PCNX2: variants seen among roughly 807,000 people sequenced by gnomAD.
The protein encoded by PCNX2 is pecanex-like protein 2.
Under a neutral mutation model 223.8 loss-of-function variants are expected in PCNX2, and 168 were observed. The ratio of observed to expected loss-of-function variants is 0.75; its 90% CI spans 0.66 to 0.85. The LOEUF (loss-of-function observed/expected upper bound fraction) is 0.85, where lower values mean the gene tolerates loss of function less well. Among genes scored for constraint, PCNX2 ranks in the 40% least tolerant of loss-of-function variants. PCNX2 has a pLI of 0.00. For synonymous variants in PCNX2, 1,006 were observed against 1,052.6 expected, an observed-to-expected ratio of 0.96 and a Z score of 0.86; for missense variants, 2,507 against 2,675.5, an observed-to-expected ratio of 0.94 and a Z score of 1.39.
intron 1 of PCNX2, chr1:233,284,949 C>A: frequency 1.0e-6 from 1 of 985,054 alleles, no homozygotes; most frequent in Non-Finnish European, 1.2e-6. Flanking sequence ...TCCCAGTCAA[C>A]CCAAAATGAA....
intron 8 of PCNX2, among the ~76,000 whole-genome samples, chr1:233,244,122 C>T (rs904688550): frequency 2.6e-5 from 4 of 152,224 alleles, no homozygotes; most frequent in African/African-American, 9.7e-5. Flanking sequence ...AGCCACCACA[C>T]CAGGCCCACA....
At chr1:233,180,609 G>C (rs1679734631) in intron 15 of PCNX2, 2 of 152,132 alleles carry the variant, frequency 1.3e-5, no homozygotes, top group Non-Finnish European at 2.9e-5. Flanking sequence ...CACTGTAACT[G>C]CTAAAATAGT....
chr1:233,150,845 C>G (rs72765726), intron 19 of PCNX2, among the ~76,000 whole-genome samples: 3,937 of 152,146 alleles, frequency 0.026, 74 homozygotes, highest in Non-Finnish European at 0.045. Flanking sequence ...AATGTGCCTT[C>G]TCTTCTTGAC....
intron 26 of PCNX2, among the ~76,000 whole-genome samples, chr1:233,017,525 C>T (rs1295272721): frequency 6.6e-6 from 1 of 151,992 alleles, no homozygotes; most frequent in Non-Finnish European, 1.5e-5. Context: ...ACCATGTTAG[C>T]CAGGATGGTC....
intron 21 of PCNX2, among the ~76,000 whole-genome samples, chr1:233,109,130 T>C (rs10797601): frequency 0.17 from 25,198 of 152,076 alleles, 2,197 homozygotes; most frequent in African/African-American, 0.21. Context: ...AGCTCAACAG[T>C]GTCCCACTCG....
the PCNX2 span, among the ~76,000 whole-genome samples, chr1:233,310,924 G>A: frequency 6.6e-6 from 1 of 152,114 alleles, no homozygotes; most frequent in African/African-American, 2.4e-5. Flanking sequence ...ACCACAAGGA[G>A]TGTACCAGGC....
At position 233,259,032 on chromosome 1, in the gene PCNX2, C is replaced by G. The variant is rs375747180; in HGVS notation, c.830G>C (p.Gly277Ala). The G allele has an allele frequency of 2.7e-5, 43 of 1,613,856 alleles. No homozygotes were observed. Among genetic ancestry groups the G allele is most frequent in the Middle Eastern group, 3.3e-4 (2 of 6,084 alleles). ...TGGAATCAGGACTGAATTCTCACTC[C>G]CCCACGGCTGGAAAGAAACGTCTGT... ...LETDVSFQPWGSENSVLIPEP... is the reference protein window; with the variant it reads ...LETDVSFQPWASENSVLIPEP... The change falls in exon 5 of 34, where the codon GGG becomes GCG. Residue 277 changes from glycine (G) to alanine (A), a missense_variant. By Grantham distance (60) the Gly-to-Ala change is moderately conservative (BLOSUM62 0). Coordinates refer to ENST00000258229, the MANE Select transcript of PCNX2 (RefSeq NM_014801.4).
upstream of PCNX2, among the ~76,000 whole-genome samples, chr1:233,297,685 A>T (rs1305934607): frequency 6.6e-6 from 1 of 152,204 alleles, no homozygotes; most frequent in Non-Finnish European, 1.5e-5. Context: ...GGAGAAACGG[A>T]ACAGTAGGAA....
At chr1:233,229,180 T>C (rs1222283888) in intron 9 of PCNX2, among the ~76,000 whole-genome samples, 1 of 152,186 alleles carries the variant, frequency 6.6e-6, no homozygotes, top group Admixed American at 6.5e-5. Context: ...AATTTTACCA[T>C]CTCTCCATTT....
At chr1:232,984,673 G>T in intron 33 of PCNX2, 196 bp from the exon 34 acceptor site, 1 of 556,634 alleles carries the variant, frequency 1.8e-6, no homozygotes, top group Non-Finnish European at 3.1e-6. Flanking sequence ...AACTGAAGCA[G>T]CATCTGAGAC....
intron 9 of PCNX2, among the ~76,000 whole-genome samples, chr1:233,232,130 T>C (rs910759912): frequency 6.6e-6 from 1 of 152,210 alleles, no homozygotes; most frequent in Non-Finnish European, 1.5e-5. Context: ...ATTATAACAG[T>C]GGCTATGTTT....
At chr1:233,301,215 T>C in the PCNX2 span, among the ~76,000 whole-genome samples, 1 of 152,024 alleles carries the variant, frequency 6.6e-6, no homozygotes, top group Non-Finnish European at 1.5e-5. Context: ...CCCACTAAAA[T>C]AGAAAACATA....
chr1:233,075,558 T>C (rs1313127262), intron 23 of PCNX2, among the ~76,000 whole-genome samples: 1 of 152,142 alleles, frequency 6.6e-6, no homozygotes, highest in South Asian at 2.1e-4. Context: ...AAATCTTCTG[T>C]ATCTTGAATG....
At chr1:233,124,240 C>A (rs554491629) in intron 21 of PCNX2, among the ~76,000 whole-genome samples, 1 of 152,132 alleles carries the variant, frequency 6.6e-6, no homozygotes, top group Non-Finnish European at 1.5e-5. Context: ...TACTTTCTTA[C>A]GGATGGGATG....
intron 25 of PCNX2, among the ~76,000 whole-genome samples, chr1:233,039,190 T>C (rs552918609): frequency 4.3e-4 from 65 of 152,342 alleles, no homozygotes; most frequent in Non-Finnish European, 8.5e-4. Flanking sequence ...CCAAAAATAC[T>C]TTCTGAAAAT....
At chr1:233,249,002 G>A (rs929182682) in intron 8 of PCNX2, among the ~76,000 whole-genome samples, 1 of 149,636 alleles carries the variant, frequency 6.7e-6, no homozygotes, top group African/African-American at 2.6e-5. Context: ...GAAAGCAGAA[G>A]CTGGAGGAAG....
chr1:233,021,327 G>A (rs1159321528), intron 26 of PCNX2, among the ~76,000 whole-genome samples: 1 of 152,194 alleles, frequency 6.6e-6, no homozygotes, highest in African/African-American at 2.4e-5. Context: ...TCTTGTTTCT[G>A]TGGGGCACAA....
chr1:233,226,804 C>A (rs1657753417), intron 10 of PCNX2, among the ~76,000 whole-genome samples: 1 of 152,160 alleles, frequency 6.6e-6, no homozygotes, highest in Non-Finnish European at 1.5e-5. Flanking sequence ...CATCTTCCCT[C>A]CTCTCCCCAT....
rs113070999 is a variant in PCNX2 at position 232,984,446 on chromosome 1, G to A, written c.6272C>T (p.Ala2091Val). ...GTCATGAAGCTGCCCCTGCTCGGTG[G>A]CATCAGGGGGCTCACATGGCTCGGA... ...HLSEPCEPPD[A>V]TEQGQLHDRC... is the part of the protein sequence containing the mutation. The change falls in exon 34 of 34, where the codon GCC becomes GTC. Residue 2091 changes from alanine to valine, a missense_variant. Transcript: ENST00000258229. 0.031 allele frequency: 50,103 copies of A among 1,613,494 alleles called. 876 individuals carry two copies. Among genetic ancestry groups the A allele is most frequent in the East Asian group, 0.068 (3,044 of 44,840 alleles).
Sources: gnomAD v4.1 joint callset for allele counts (sites outside exome capture counted in the v4.1 genomes callset) on GRCh38, gnomAD v4.1.1 for gene constraint, MANE v1.5 for transcripts, NCBI Gene and HGNC (gene_info 2026-07-23, HGNC 2026-07-21) for gene names.